The following ATRN variants were observed in gnomAD, a reference collection of about 807,000 sequenced individuals.
The protein encoded by ATRN is attractin.
A neutral mutation model predicts 178.7 loss-of-function variants in ATRN; 54 were observed. The ratio of observed to expected loss-of-function variants is 0.30; its 90% CI spans 0.24 to 0.38. The LOEUF is 0.38. Among genes scored for constraint, ATRN ranks in the 10% least tolerant of loss-of-function variants. The pLI is 1.00. For missense variants in ATRN, 1,443 were observed against 1,815.1 expected, an observed-to-expected ratio of 0.79 and a Z score of 3.73; for synonymous variants, 636 against 663.0, an observed-to-expected ratio of 0.96 and a Z score of 0.63.
chr20:3,552,731 TGTA>T (rs985118099), intron 6 of ATRN, among the ~76,000 whole-genome samples: 29 of 152,292 alleles, frequency 1.9e-4, no homozygotes, highest in African/African-American at 5.1e-4. Context: ...TCAATTTCCT[TGTA>T]GTTATAGAAC....
At chr20:3,561,144 G>A (rs2085947460) in intron 8 of ATRN, among the ~76,000 whole-genome samples, 1 of 152,118 alleles carries the variant, frequency 6.6e-6, no homozygotes, top group Admixed American at 6.5e-5. Flanking sequence ...CCAACATGGT[G>A]AAACCCTGTC....
At chr20:3,615,796 A>C (rs1263147170) in intron 24 of ATRN, 7 of 454,984 alleles carry the variant, frequency 1.5e-5, no homozygotes, top group Non-Finnish European at 3.1e-5. Flanking sequence ...CGCAAGGACA[A>C]AAAACTGAAC....
intron 1 of ATRN, among the ~76,000 whole-genome samples, chr20:3,509,009 AATAGTT>A (rs955972213): frequency 2.0e-4 from 30 of 152,054 alleles, no homozygotes; most frequent in Non-Finnish European, 3.5e-4. Flanking sequence ...TGCATAACAT[AATAGTT>A]TATAAAGAAA....
At chr20:3,547,217 G>A in intron 4 of ATRN, 67 bp from the exon 5 acceptor site, 1 of 1,233,024 alleles carries the variant, frequency 8.1e-7, no homozygotes. Flanking sequence ...TTGTGTGGGA[G>A]GAAGTTATGC....
intron 1 of ATRN, among the ~76,000 whole-genome samples, chr20:3,473,106 G>C (rs1291555708): frequency 6.6e-6 from 1 of 152,194 alleles, no homozygotes; most frequent in Non-Finnish European, 1.5e-5. Context: ...ACATGTATTT[G>C]TTGAGGGCTC....
In ATRN at chr20:3,573,134, AT is replaced by A. The variant is rs1568738258; in HGVS notation, c.2092+184del. Among the ~76,000 whole-genome samples the A allele has an allele frequency of 7.2e-5, 11 of 152,358 alleles. No homozygotes were observed. In the South Asian group the frequency reaches 1.7e-3, roughly 23 times the overall value. ...GTTTGTAAACATCTCGGATGGGAAC[AT>A]GCCATGTGGCTCCTAGAAGCTGTCT... On this transcript the variant is annotated intron_variant, in intron 12 of 28. Coordinates refer to ENST00000262919, the MANE Select transcript of ATRN (RefSeq NM_139321.3).
rs2087040681 is a variant in ATRN, at chr20:3,638,254, G to A, written c.3943-574G>A. On this transcript the variant is annotated intron_variant, in intron 26 of 28. Coordinates refer to ENST00000262919, the MANE Select transcript of ATRN (RefSeq NM_139321.3). The surrounding 1 kb of genome is among the most constrained non-coding windows in gnomAD (Gnocchi z 4.5). ...TAGGTTTTAAGCCCTGCATGCATTTGGTATTTGTCCTAATGCTCTCCCTCC... is the reference window on the plus strand; with the variant it reads ...TAGGTTTTAAGCCCTGCATGCATTTAGTATTTGTCCTAATGCTCTCCCTCC... Among the ~76,000 whole-genome samples the A allele has an allele frequency of 6.6e-6, 1 of 152,064 alleles. No individual in the cohort carries two copies. Among genetic ancestry groups the A allele is most frequent in the Non-Finnish European group, 1.5e-5 (1 of 68,006 alleles).
At chr20:3,589,112 A>G (rs2086402170) in intron 18 of ATRN, among the ~76,000 whole-genome samples, 1 of 149,500 alleles carries the variant, frequency 6.7e-6, no homozygotes. Flanking sequence ...CCCCCCAAGT[A>G]GCTGGGACTA....
chr20:3,573,791 C>T (rs1279750716), intron 12 of ATRN, among the ~76,000 whole-genome samples: 1 of 151,284 alleles, frequency 6.6e-6, no homozygotes, highest in Non-Finnish European at 1.5e-5. Flanking sequence ...TATTTTGAGA[C>T]AGAGTCTCTG....
rs6051972 is a variant in ATRN at position 3,613,685 on chromosome 20, T to G, written c.3801+9423T>G. Among the ~76,000 whole-genome samples the G allele has an allele frequency of 8.6e-3, 1,289 of 150,270 alleles. 29 individuals are homozygous for G. The highest frequency in any genetic ancestry group is 0.03 in the African/African-American group (1,197 of 39,922). On this transcript the variant is annotated intron_variant, in intron 24 of 28. Coordinates refer to ENST00000262919, the MANE Select transcript of ATRN (RefSeq NM_139321.3). ...TGCCTTTGATTCTCATTTTTTAAAT[T>G]AGATTTTAAAAATTGAGATTCTCCT... is the stretch of plus-strand genomic sequence containing the variant.
At chr20:3,580,783 C>G (rs1235331662) in intron 15 of ATRN, among the ~76,000 whole-genome samples, 3 of 152,052 alleles carry the variant, frequency 2.0e-5, no homozygotes, top group Non-Finnish European at 4.4e-5. Flanking sequence ...GGAACCAAGG[C>G]CAGACCCTGC....
At chr20:3,624,702 G>A in intron 25 of ATRN, 130 bp downstream of exon 25, 1 of 770,988 alleles carries the variant, frequency 1.3e-6, no homozygotes, top group Non-Finnish European at 2.1e-6. Context: ...TACTTCATAT[G>A]TGTTCCTGAA....
At chr20:3,506,081 TAC>T (rs767968285) in intron 1 of ATRN, among the ~76,000 whole-genome samples, 2 of 151,040 alleles carry the variant, frequency 1.3e-5, no homozygotes, top group South Asian at 2.1e-4. Context: ...CACATACACA[TAC>T]ACACACACAC....
At chr20:3,542,596 T>TCCCCTTC (rs1213507587) in intron 3 of ATRN, among the ~76,000 whole-genome samples, 4 of 106,644 alleles carry the variant, frequency 3.8e-5, no homozygotes, top group East Asian at 3.0e-4. Context: ...CCTTCTCCCT[T>TCCCCTTC]CCCCTTCCCC....
chr20:3,474,762 G>A (rs957089170), intron 1 of ATRN, among the ~76,000 whole-genome samples: 26 of 151,812 alleles, frequency 1.7e-4, no homozygotes, highest in African/African-American at 5.8e-4. Flanking sequence ...GGCCAAGCGC[G>A]GTGACTCACG....
chr20:3,568,232 C>T (rs1348541694), intron 11 of ATRN, among the ~76,000 whole-genome samples: 2 of 151,110 alleles, frequency 1.3e-5, no homozygotes, highest in Non-Finnish European at 2.9e-5. Flanking sequence ...GTGGAGCTTG[C>T]AGTGAGCTGA....
chr20:3,526,960 C>G (rs6051920), intron 1 of ATRN, among the ~76,000 whole-genome samples: 2 of 152,084 alleles, frequency 1.3e-5, no homozygotes, highest in Non-Finnish European at 2.9e-5. Flanking sequence ...AACGTAAGAC[C>G]TAAAACCATA....
intron 1 of ATRN, among the ~76,000 whole-genome samples, chr20:3,526,484 C>A (rs1047973453): frequency 3.3e-5 from 5 of 152,044 alleles, no homozygotes; most frequent in African/African-American, 4.8e-5. Flanking sequence ...TAGGAAGAGT[C>A]AATATAGTGA....
rs2085109294 is a variant in ATRN, at chr20:3,510,429, CTG to C, written c.411-24822_411-24821del. On this transcript the variant is annotated intron_variant, in intron 1 of 28. Transcript: ENST00000262919. ...CAGCTGTGTTTCAGGAAAACTTTAT[CTG>C]TATAAGCAGACAGCAGGCCTGATTT... Among the ~76,000 whole-genome samples the C allele has an allele frequency of 2.0e-5, 3 of 152,300 alleles. No individual in the cohort carries two copies. The South Asian group carries it at 6.2e-4, about 32-fold the overall frequency.
Sources: allele counts gnomAD v4.1 joint callset (sites outside exome capture counted in the v4.1 genomes callset), GRCh38; gene constraint gnomAD v4.1.1; non-coding constraint Gnocchi (gnomAD v3.1); transcripts MANE v1.5; gene names NCBI Gene and HGNC (gene_info 2026-07-23, HGNC 2026-07-21).